The following SETX variants were observed in gnomAD, a reference collection of about 807,000 sequenced individuals.
SETX encodes the protein helicase senataxin.
SETX carries 90 observed loss-of-function variants against 227.2 expected under a neutral mutation model. The ratio of observed to expected loss-of-function variants is 0.40; its 90% CI spans 0.33 to 0.47. The LOEUF is 0.47. SETX is among the 20% of genes least tolerant of loss of function. The probability of loss-of-function intolerance (pLI) is 0.91; values close to 1 mark genes in which losing one functional copy is unlikely to be tolerated. For missense variants in SETX, 3,052 were observed against 3,181.5 expected (o/e 0.96, Z 0.98); for synonymous variants, 1,210 against 1,113.2 (o/e 1.09, Z -1.73).
In SETX at chr9:132,278,531, T is replaced by C. The variant is rs1391620234; in HGVS notation, c.6655-274A>G. Among the ~76,000 whole-genome samples the C allele has an allele frequency of 5.0e-5, 7 of 139,586 alleles. No homozygotes were observed. In the South Asian group the frequency reaches 9.7e-4, roughly 19 times the overall value. The allele number at this position is 139,586 out of a possible 152,430, so 91.6% of individuals were successfully genotyped here. A position where few individuals can be genotyped will look rare whatever the true frequency, so the allele number is the denominator to read the frequency against. On this transcript the variant is annotated intron_variant, in intron 20 of 25. Transcript: ENST00000224140. ...GTGCAGTGGCGTGATCTCAGCTCAC[T>C]GCATCCTTCACCTCCCAGGTTCAAG...
rs151227296 is a variant in SETX at position 132,345,652 on chromosome 9, G to A, written c.388+609C>T. 2.0e-3 allele frequency among the ~76,000 whole-genome samples: 304 copies of A among 152,290 alleles called. 2 individuals are homozygous for A. Among genetic ancestry groups the A allele is most frequent in the African/African-American group, 6.8e-3 (284 of 41,556 alleles). On this transcript the variant is annotated intron_variant, in intron 4 of 25. Transcript: ENST00000224140. ...CAAATATAGCAAAATGTTAACAACCGTATAAACTATGTGATGGGTATATCA... is the reference window on the plus strand; with the variant it reads ...CAAATATAGCAAAATGTTAACAACCATATAAACTATGTGATGGGTATATCA...
rs1301954432 is a variant in SETX at position 132,275,347 on chromosome 9, C to T, written c.7009G>A (p.Val2337Ile). 6.2e-7 allele frequency: 1 copy of T among 1,612,276 alleles called. No homozygotes were observed. Among genetic ancestry groups the T allele is most frequent in the Non-Finnish European group, 8.5e-7 (1 of 1,178,390 alleles). Residue 2337 changes from valine to isoleucine, a missense_variant, in exon 23 of 26, where the codon GTT becomes ATT. Transcript: ENST00000224140. The part of the protein sequence containing the change: ...IKLIKDKRKD[V>I]SFRNIGIITH... ...ATTATGCCAATGTTTCGAAAACTAACATCCTTTCTTTTGTCTTTAATAAGC... is the reference window on the plus strand; with the variant it reads ...ATTATGCCAATGTTTCGAAAACTAATATCCTTTCTTTTGTCTTTAATAAGC...
chr9:132,298,363 G>A (rs1334511593), intron 12 of SETX, 51 bp from the exon 13 acceptor site: 3 of 1,414,820 alleles, frequency 2.1e-6, no homozygotes, highest in Non-Finnish European at 3.0e-6. Flanking sequence ...GAATAATGCT[G>A]CCTAGTTGTA....
rs887880005 is a variant in SETX, at chr9:132,347,348, T to C, written c.178-877A>G. Among the ~76,000 whole-genome samples the C allele has an allele frequency of 4.6e-5, 7 of 152,010 alleles. No individual in the cohort carries two copies. In the East Asian group the frequency reaches 5.8e-4, roughly 13 times the overall value. ...ATTTTTTTTTGAGACAGAATCTCGC[T>C]GTCGCCCAGGCTGGAGTGCAATGGC... is the stretch of plus-strand genomic sequence containing the variant. On this transcript the variant is annotated intron_variant, in intron 3 of 25. Coordinates refer to ENST00000224140, the MANE Select transcript of SETX (RefSeq NM_015046.7).
intron 12 of SETX, 99 bp from the exon 13 acceptor site, chr9:132,298,411 G>C: frequency 9.7e-7 from 1 of 1,028,818 alleles, no homozygotes; most frequent in East Asian, 2.6e-5. Flanking sequence ...ACATATTTTT[G>C]GATATTATTT....
At chr9:132,287,543 C>A (rs1175296734) in intron 17 of SETX, among the ~76,000 whole-genome samples, 2 of 152,104 alleles carry the variant, frequency 1.3e-5, no homozygotes, top group African/African-American at 4.8e-5. Flanking sequence ...TAAAGTTCTA[C>A]TGGAACACAG....
rs1844940219 is a variant in SETX, at chr9:132,300,662, C to G, written c.5516G>C (p.Gly1839Ala). ...DIQDLHEYHS[G>A]YVHKFRRTSV... The stretch of plus-strand genomic sequence containing the variant: ...CGTGCGGCGAAATTTATGAACATAA[C>G]CAGAATGATATTCGTGGAGATCTTG... The change falls in exon 12 of 26, where the codon GGT becomes GCT. Residue 1839 changes from glycine (G) to alanine (A), a missense_variant. Around this residue, in one of 10 missense-constraint regions of SETX, gnomAD observed 239 missense variants for 272.1 expected, o/e 0.88. Transcript: ENST00000224140. 1 of 1,613,718 alleles carries G rather than the reference C, an allele frequency of 6.2e-7. No individual in the cohort carries two copies. Among genetic ancestry groups the G allele is most frequent in the Non-Finnish European group, 8.5e-7 (1 of 1,179,892 alleles).
At chr9:132,290,675 G>A (rs548391674) in intron 15 of SETX, among the ~76,000 whole-genome samples, 6 of 150,466 alleles carry the variant, frequency 4.0e-5, no homozygotes, top group South Asian at 2.1e-4. Context: ...TAGGCAGATC[G>A]CTTGAATCCA....
At chr9:132,343,987 G>A (rs770028293) in intron 4 of SETX, among the ~76,000 whole-genome samples, 105 of 152,146 alleles carry the variant, frequency 6.9e-4, no homozygotes, top group Middle Eastern at 3.2e-3. Flanking sequence ...GCACATGTTG[G>A]TTTCCGTACG....
At chr9:132,353,574 T>C (rs983958065) in intron 2 of SETX, 75 bp downstream of exon 2, 4 of 151,974 alleles carry the variant, frequency 2.6e-5, no homozygotes, top group African/African-American at 9.7e-5. Context: ...TCTGTCCCTT[T>C]AGGACTCTGC....
At chr9:132,333,333 G>A (rs999529451) in intron 7 of SETX, among the ~76,000 whole-genome samples, 5 of 145,054 alleles carry the variant, frequency 3.4e-5, no homozygotes, top group African/African-American at 5.1e-5. Flanking sequence ...AGCCAAGATC[G>A]CACCACTGCA....
intron 10 of SETX, among the ~76,000 whole-genome samples, chr9:132,320,394 T>A (rs565036382): frequency 6.6e-6 from 1 of 152,036 alleles, no homozygotes; most frequent in South Asian, 2.1e-4. Context: ...GCTAACACAG[T>A]GAAACCCCGT....
upstream of SETX, among the ~76,000 whole-genome samples, chr9:132,355,271 T>A (rs521834): frequency 6.6e-6 from 1 of 152,000 alleles, no homozygotes. Flanking sequence ...TTCCTGCGGG[T>A]GGGGCGGCTC....
At chr9:132,294,271 C>A (rs951017205) in intron 15 of SETX, among the ~76,000 whole-genome samples, 4 of 152,090 alleles carry the variant, frequency 2.6e-5, no homozygotes, top group East Asian at 1.9e-4. Flanking sequence ...ACTCTTGAAC[C>A]CCCACATTTT....
At position 132,349,445 on chromosome 9, in the gene SETX, GA is replaced by G; in HGVS notation, c.-7-11del. On this transcript the variant is annotated splice_polypyrimidine_tract_variant and intron_variant, in intron 2 of 25. Transcript: ENST00000224140. ...TGTGCTCATTCTGTACCTACAGCCA[GA>G]AAAGATGACATCAAGAAGAAAACCA... is the stretch of plus-strand genomic sequence containing the variant. The G allele has an allele frequency of 6.2e-7, 1 of 1,614,028 alleles. No homozygotes were observed. Among genetic ancestry groups the G allele is most frequent in the Non-Finnish European group, 8.5e-7 (1 of 1,179,996 alleles).
intron 10 of SETX, among the ~76,000 whole-genome samples, chr9:132,312,558 T>C (rs1845724614): frequency 6.6e-6 from 1 of 152,240 alleles, no homozygotes; most frequent in Non-Finnish European, 1.5e-5. Flanking sequence ...AGTCTTTCAG[T>C]TCCTCTGAAG....
At chr9:132,286,181 C>CAAA (rs58043008) in intron 18 of SETX, among the ~76,000 whole-genome samples, 9 of 74,520 alleles carry the variant, frequency 1.2e-4, no homozygotes, top group African/African-American at 3.4e-4. Flanking sequence ...GACTTCACCT[C>CAAA]AAAAAAAAAA....
chr9:132,278,212 A>G lies in SETX; in HGVS notation c.6700T>C (p.Cys2234Arg). 6.2e-7 allele frequency: 1 copy of G among 1,614,204 alleles called. No individual in the cohort carries two copies. Among genetic ancestry groups the G allele is most frequent in the Non-Finnish European group, 8.5e-7 (1 of 1,180,036 alleles). The change falls in exon 21 of 26, where the codon TGC (cysteine) becomes CGC (arginine). Residue 2234 changes from cysteine (C) to arginine (R), a missense_variant. By Grantham distance (180) the Cys-to-Arg change is radical. This residue lies in a region of SETX where 412 missense variants were observed against 589.0 expected (regional missense o/e 0.70). Transcript: ENST00000224140. Reference sequence around the variant, plus strand: ...TCTACATTCTCTTCCAGCAGTCTGCAGAAGCGAGCCATCATTGACTGGTCG... The same window carrying G: ...TCTACATTCTCTTCCAGCAGTCTGCGGAAGCGAGCCATCATTGACTGGTCG... The part of the protein sequence containing the change: ...GYDQSMMARF[C>R]RLLEENVEHN...
chr9:132,345,796 T>C (rs1210072072), intron 4 of SETX, among the ~76,000 whole-genome samples: 2 of 152,152 alleles, frequency 1.3e-5, no homozygotes, highest in Non-Finnish European at 2.9e-5. Context: ...GTGGGAGGAC[T>C]GCTTGAGCCC....
Sources: gnomAD v4.1 joint callset for allele counts (sites outside exome capture counted in the v4.1 genomes callset) on GRCh38, gnomAD v4.1.1 for gene constraint, gnomAD v4.1.1 regional missense constraint, MANE v1.5 for transcripts, NCBI Gene and HGNC (gene_info 2026-07-23, HGNC 2026-07-21) for gene names.